Variants in PCDH15 observed in about 807,000 individuals in gnomAD.
PCDH15 encodes protocadherin-15.
Under a neutral mutation model 178.5 loss-of-function variants are expected in PCDH15, and 129 were observed. The ratio of observed to expected loss-of-function variants is 0.72; its 90% CI spans 0.63 to 0.84. PCDH15 has a LOEUF of 0.84. Among genes scored for constraint, PCDH15 ranks in the 40% least tolerant of loss-of-function variants. The pLI is 0.00. For missense variants in PCDH15, 2,230 were observed against 2,099.9 expected, an observed-to-expected ratio of 1.06 and a Z score of -1.21; for synonymous variants, 800 against 732.0, an observed-to-expected ratio of 1.09 and a Z score of -1.50.
At chr10:54,524,298 C>A (rs1046083216) in intron 3 of PCDH15, among the ~76,000 whole-genome samples, 1 of 152,090 alleles carries the variant, frequency 6.6e-6, no homozygotes, top group South Asian at 2.1e-4. Context: ...TCTAATCTCT[C>A]ACGTAGTGAT....
intron 2 of PCDH15, among the ~76,000 whole-genome samples, chr10:54,930,730 A>T (rs1837751801): frequency 6.6e-6 from 1 of 152,178 alleles, no homozygotes; most frequent in African/African-American, 2.4e-5. Flanking sequence ...TTTCCTATCA[A>T]TACTCTAAGA....
At chr10:53,883,401 AT>A (rs1283705994) in intron 26 of PCDH15, among the ~76,000 whole-genome samples, 3 of 152,174 alleles carry the variant, frequency 2.0e-5, no homozygotes, top group South Asian at 4.1e-4. Flanking sequence ...AAAGAGATAT[AT>A]TTTTTTCTTT....
chr10:55,284,523 A>C (rs772333232), intron 1 of PCDH15, among the ~76,000 whole-genome samples: 1 of 152,004 alleles, frequency 6.6e-6, no homozygotes, highest in Non-Finnish European at 1.5e-5. Context: ...TCTGATATAA[A>C]AAATGATTCT....
At chr10:54,891,007 T>A (rs911377418) in intron 3 of PCDH15, among the ~76,000 whole-genome samples, 2 of 151,998 alleles carry the variant, frequency 1.3e-5, no homozygotes, top group African/African-American at 2.4e-5. Context: ...GGGGGTCATG[T>A]TGAGAAAAAT....
In PCDH15 at chr10:53,831,423, T is replaced by G; in HGVS notation, c.4094A>C (p.Lys1365Thr). Residue 1365 changes from lysine (K) to threonine (T), a missense_variant, in exon 30 of 38, where the codon AAG (lysine) becomes ACG (threonine). Transcript: ENST00000644397. Reference sequence around the variant, plus strand: ...TGTGTATCCTAGACTTTCTCCTCTCTTTTTAATGCTGGTCACTGCCTCTGG... The same window carrying G: ...TGTGTATCCTAGACTTTCTCCTCTCGTTTTAATGCTGGTCACTGCCTCTGG... Reference protein sequence around the residue: ...RTPEAVTSIKKRGESLGYTEG... With the variant: ...RTPEAVTSIKTRGESLGYTEG... The G allele has an allele frequency of 6.2e-7, 1 of 1,614,172 alleles. No homozygotes were observed. Among genetic ancestry groups the G allele is most frequent in the South Asian group, 1.1e-5 (1 of 91,078 alleles).
intron 2 of PCDH15, among the ~76,000 whole-genome samples, chr10:54,941,815 C>T (rs1564649307): frequency 6.6e-6 from 1 of 151,810 alleles, no homozygotes; most frequent in African/African-American, 2.4e-5. Flanking sequence ...AGTCTATTTC[C>T]CCCCCGTATT....
At chr10:55,369,174 G>A (rs1348396780) in intron 2 of PCDH15, among the ~76,000 whole-genome samples, 1 of 151,820 alleles carries the variant, frequency 6.6e-6, no homozygotes, top group Admixed American at 6.6e-5. Context: ...GCAAGTATAG[G>A]ATATTGACAC....
chr10:54,247,003 G>A (rs2056007392), intron 8 of PCDH15, among the ~76,000 whole-genome samples: 1 of 151,802 alleles, frequency 6.6e-6, no homozygotes, highest in African/African-American at 2.4e-5. Flanking sequence ...TTTCCTTAAT[G>A]ATTCACAAGA....
intron 8 of PCDH15, among the ~76,000 whole-genome samples, chr10:54,245,581 A>C (rs1401908306): frequency 6.6e-6 from 1 of 152,158 alleles, no homozygotes; most frequent in East Asian, 1.9e-4. Context: ...ATGTATTAGA[A>C]GTCAACATAG....
intron 18 of PCDH15, among the ~76,000 whole-genome samples, chr10:54,026,126 T>C (rs931464524): frequency 2.0e-5 from 3 of 151,648 alleles, no homozygotes; most frequent in Middle Eastern, 3.2e-3. Context: ...TGGTGTGCAG[T>C]GGTGTGATCT....
chr10:55,195,274 C>T (rs868263767), intron 1 of PCDH15, among the ~76,000 whole-genome samples: 1 of 151,824 alleles, frequency 6.6e-6, no homozygotes, highest in East Asian at 2.0e-4. Flanking sequence ...CTCCCAGCTT[C>T]GGCCTCCCAA....
chr10:54,207,023 T>C (rs968820433), intron 10 of PCDH15, among the ~76,000 whole-genome samples: 2 of 152,072 alleles, frequency 1.3e-5, no homozygotes, highest in African/African-American at 4.8e-5. Context: ...GGTACTCTGA[T>C]GAGAATGGAT....
chr10:55,202,721 G>A (rs1840287354), intron 1 of PCDH15, among the ~76,000 whole-genome samples: 1 of 152,128 alleles, frequency 6.6e-6, no homozygotes, highest in Admixed American at 6.5e-5. Context: ...GAGGGACCTA[G>A]TGGGATATGA....
At chr10:54,717,398 TCAAA>T (rs1424853746) in intron 1 of PCDH15, among the ~76,000 whole-genome samples, 2 of 133,698 alleles carry the variant, frequency 1.5e-5, no homozygotes, top group Admixed American at 1.5e-4. Context: ...TACAATGAAC[TCAAA>T]CAAATTTACA....
chr10:55,289,111 T>C, intron 1 of PCDH15, among the ~76,000 whole-genome samples: 1 of 152,066 alleles, frequency 6.6e-6, no homozygotes, highest in Admixed American at 6.6e-5. Context: ...AATCTACAGC[T>C]GCGTACTAAA....
chr10:54,860,926 T>A (rs909298439), intron 3 of PCDH15, among the ~76,000 whole-genome samples: 2 of 152,180 alleles, frequency 1.3e-5, no homozygotes, highest in Non-Finnish European at 2.9e-5. Context: ...ACAGAATTTA[T>A]TTATTAAGCA....
chr10:55,077,909 C>T (rs1218987960), intron 2 of PCDH15, among the ~76,000 whole-genome samples: 2 of 152,074 alleles, frequency 1.3e-5, no homozygotes, highest in Non-Finnish European at 2.9e-5. Context: ...CATTACTTTG[C>T]GAGTGAGTTT....
chr10:53,834,536 G>C (rs114406483), intron 29 of PCDH15, among the ~76,000 whole-genome samples: 1 of 132,342 alleles, frequency 7.6e-6, no homozygotes, highest in African/African-American at 2.9e-5. Flanking sequence ...TTTTTTTCTC[G>C]TCATTTTCAT....
At chr10:54,676,965 G>C (rs1219578575) in intron 1 of PCDH15, among the ~76,000 whole-genome samples, 1 of 152,174 alleles carries the variant, frequency 6.6e-6, no homozygotes, top group Admixed American at 6.5e-5. Context: ...AGATATTACA[G>C]ATGATTTTGA....
Sources: allele counts gnomAD v4.1 joint callset (sites outside exome capture counted in the v4.1 genomes callset), GRCh38; gene constraint gnomAD v4.1.1; transcripts MANE v1.5; gene names NCBI Gene and HGNC (gene_info 2026-07-23, HGNC 2026-07-21).